The following RWDD4 variants were observed in gnomAD, a reference collection of about 807,000 sequenced individuals.
RWDD4 encodes the protein RWD domain containing 4, also known as RWD domain-containing protein 4.
Under a neutral mutation model 30.0 loss-of-function variants are expected in RWDD4, and 16 were observed. That is an observed-to-expected ratio of 0.53 (90% CI 0.36 to 0.81). The LOEUF is 0.81. Among genes scored for constraint, RWDD4 ranks in the 30% least tolerant of loss-of-function variants. RWDD4 has a pLI of 0.00. For missense variants in RWDD4, 170 were observed against 223.9 expected (o/e 0.76, Z 1.54); for synonymous variants, 45 against 72.1 (o/e 0.62, Z 1.90).
intron 7 of RWDD4, among the ~76,000 whole-genome samples, chr4:183,645,597 T>TGC (rs1733951937): frequency 1.1e-5 from 1 of 91,230 alleles, no homozygotes; most frequent in Non-Finnish European, 2.1e-5. Flanking sequence ...TATCTGTCTC[T>TGC]GCAAAAAAAA....
chr4:183,655,406 C>G (rs190567062), intron 2 of RWDD4, among the ~76,000 whole-genome samples: 11,595 of 151,664 alleles, frequency 0.076, 553 homozygotes, highest in East Asian at 0.18. Flanking sequence ...CTCAGCCTCC[C>G]GAGTAGCTGG....
intron 4 of RWDD4, 48 bp from the exon 5 acceptor site, chr4:183,649,616 G>A: frequency 2.0e-6 from 2 of 1,007,822 alleles, no homozygotes; most frequent in Non-Finnish European, 3.1e-6. Flanking sequence ...TACAACTTGT[G>A]TTACACTAAA....
Position 183,646,522 on chromosome 4 carries a change from A to T in RWDD4, c.497T>A (p.Leu166His). The T allele has an allele frequency of 6.2e-7, 1 of 1,612,158 alleles. No homozygotes were observed. The highest frequency in any genetic ancestry group is 1.7e-5 in the Admixed American group (1 of 59,806). The change falls in exon 6 of 8, where the codon CTT becomes CAT. Residue 166 changes from leucine to histidine, a missense_variant. By Grantham distance (99) the Leu-to-His change is moderately conservative. Transcript: ENST00000326397. Reference protein sequence around the residue: ...LADKTDHKGELPRGWNWVDVV... With the variant: ...LADKTDHKGEHPRGWNWVDVV... ...ATCAACCCAGTTCCAGCCTCGAGGA[A>T]GTTCTCCTTTGTGATCTAGAAGATA... is the stretch of plus-strand genomic sequence containing the variant.
intron 2 of RWDD4, among the ~76,000 whole-genome samples, chr4:183,655,565 A>T (rs6811634): frequency 0.5 from 75,761 of 151,906 alleles, 19,557 homozygotes; most frequent in African/African-American, 0.63. Flanking sequence ...ATTACAGGTG[A>T]GAGCCACCGC....
At chr4:183,653,232 C>G (rs192260320) in intron 2 of RWDD4, among the ~76,000 whole-genome samples, 28 of 152,278 alleles carry the variant, frequency 1.8e-4, no homozygotes, top group African/African-American at 6.5e-4. Context: ...TTTAGGTGAT[C>G]TTCTCCAGAT....
chr4:183,649,664 C>T (rs1262150858), intron 4 of RWDD4, 96 bp from the exon 5 acceptor site: 1 of 602,076 alleles, frequency 1.7e-6, no homozygotes, highest in Non-Finnish European at 2.9e-6. Context: ...AATTTTTACA[C>T]TTATGAAATA....
At chr4:183,647,210 T>C (rs1218547211) in intron 5 of RWDD4, among the ~76,000 whole-genome samples, 1 of 152,230 alleles carries the variant, frequency 6.6e-6, no homozygotes, top group African/African-American at 2.4e-5. Context: ...AATTCTTCAA[T>C]TTAAAATGGC....
intron 2 of RWDD4, among the ~76,000 whole-genome samples, chr4:183,652,737 T>C (rs56216919): frequency 0.065 from 9,702 of 148,592 alleles, 408 homozygotes; most frequent in Middle Eastern, 0.12. Context: ...TTGAATCTGG[T>C]AGGCAGAGGT....
rs1007409318 is a variant in RWDD4 at position 183,649,500 on chromosome 4, T to C, written c.432A>G (p.Lys144=). The C allele has an allele frequency of 6.2e-7, 1 of 1,613,550 alleles. No homozygotes were observed. Among genetic ancestry groups the C allele is most frequent in the Non-Finnish European group, 8.5e-7 (1 of 1,179,622 alleles). Residue 144 remains lysine (K), a synonymous_variant, in exon 5 of 8, where the codon AAA becomes AAG. Transcript: ENST00000326397. ...NTAPSSKKKD[K]KEQLSKAQKR... ...TCTGGGCTTTTGAAAGTTGTTCTTT[T>C]TTGTCTTTTTTCTTACTTGATGGGG...
intron 7 of RWDD4, among the ~76,000 whole-genome samples, chr4:183,645,493 G>A (rs563461469): frequency 6.6e-6 from 1 of 152,122 alleles, no homozygotes; most frequent in Admixed American, 6.6e-5. Flanking sequence ...GCCAAGGCCA[G>A]GTGTGGTGGC....
intron 7 of RWDD4, among the ~76,000 whole-genome samples, chr4:183,643,050 C>T (rs188362803): frequency 1.2e-4 from 16 of 138,338 alleles, no homozygotes; most frequent in African/African-American, 4.4e-4. Flanking sequence ...CAGAGCGAGA[C>T]TCCGTTCAAA....
chr4:183,644,235 C>T (rs760549971), intron 7 of RWDD4, among the ~76,000 whole-genome samples: 1 of 152,126 alleles, frequency 6.6e-6, no homozygotes, highest in Non-Finnish European at 1.5e-5. Context: ...ATATGTAGGA[C>T]AACATGAAGT....
chr4:183,655,183 C>T (rs965814936), intron 2 of RWDD4, among the ~76,000 whole-genome samples: 4 of 151,996 alleles, frequency 2.6e-5, no homozygotes, highest in African/African-American at 7.2e-5. Context: ...TGAGGTGATC[C>T]GCCTGCCTCG....
At chr4:183,658,429 A>G (rs1318446147) in intron 1 of RWDD4, among the ~76,000 whole-genome samples, 1 of 152,202 alleles carries the variant, frequency 6.6e-6, no homozygotes, top group Non-Finnish European at 1.5e-5. Context: ...GTGGTACATG[A>G]ATGCTCAAAA....
chr4:183,640,039 C>T lies in RWDD4; in HGVS notation c.*1397G>A, dbSNP rs1554002726. 1 of 151,840 alleles carries T rather than the reference C, an allele frequency of 6.6e-6. No individual in the cohort carries two copies. Among genetic ancestry groups the T allele is most frequent in the East Asian group, 1.9e-4 (1 of 5,184 alleles). 9.4% of individuals were successfully genotyped at this position (151,840 alleles called of 1,614,324 possible). On this transcript the variant is annotated 3_prime_UTR_variant, in exon 8 of 8. Transcript: ENST00000326397. ...CCCTGAAACATAAGTTGCCATATTC[C>T]AGTGGTCCTGAATTTTAACATGTTT...
At position 183,650,493 on chromosome 4, in the gene RWDD4, T is replaced by C. The variant is rs75539916; in HGVS notation, c.363+491A>G. On this transcript the variant is annotated intron_variant, in intron 4 of 7. Coordinates refer to ENST00000326397, the MANE Select transcript of RWDD4 (RefSeq NM_152682.4). The stretch of plus-strand genomic sequence containing the variant: ...CCTCATACACAGATGCTTAACGTCA[T>C]GAAAGAAATATTTCCTAAAACTATT... 3.1e-3 allele frequency among the ~76,000 whole-genome samples: 471 copies of C among 152,346 alleles called. 1 individual carries two copies. Among genetic ancestry groups the C allele is most frequent in the African/African-American group, 0.01 (425 of 41,588 alleles).
chr4:183,648,250 A>AAAAG (rs1554003460), intron 5 of RWDD4, among the ~76,000 whole-genome samples: 2 of 133,422 alleles, frequency 1.5e-5, no homozygotes, highest in Admixed American at 7.5e-5. Context: ...AGAAAAAAGA[A>AAAAG]AAAAAAAAAA....
intron 4 of RWDD4, 109 bp from the exon 5 acceptor site, chr4:183,649,677 A>C: frequency 1.8e-6 from 1 of 553,242 alleles, no homozygotes; most frequent in East Asian, 3.0e-5. Context: ...ATGAAATAAA[A>C]GAATCCTATA....
At position 183,659,076 on chromosome 4, in the gene RWDD4, T is replaced by C. The variant is rs1001790174; in HGVS notation, c.-124A>G. On this transcript the variant is annotated 5_prime_UTR_variant, in exon 1 of 8. Transcript: ENST00000326397. ...CTCGGCTGTGGGGGCGGCACAGTCTTGGCACTGGCAGACGCCAACTGCGCG... is the reference window on the plus strand; with the variant it reads ...CTCGGCTGTGGGGGCGGCACAGTCTCGGCACTGGCAGACGCCAACTGCGCG... 6 of 703,718 alleles carry C rather than the reference T, an allele frequency of 8.5e-6. No individual in the cohort carries two copies. In the African/African-American group the frequency reaches 9.2e-5, roughly 11 times the overall value. 43.6% of individuals were successfully genotyped at this position (703,718 alleles called of 1,614,324 possible). A position where few individuals can be genotyped will look rare whatever the true frequency, so the allele number is the denominator to read the frequency against.
Sources: allele counts gnomAD v4.1 joint callset (sites outside exome capture counted in the v4.1 genomes callset), GRCh38; gene constraint gnomAD v4.1.1; transcripts MANE v1.5; gene names NCBI Gene and HGNC (gene_info 2026-07-23, HGNC 2026-07-21).